Variants in WFDC8 observed in about 807,000 individuals in gnomAD.
The protein encoded by WFDC8 is WAP four-disulfide core domain 8, also known as WAP four-disulfide core domain protein 8.
In WFDC8, 24 loss-of-function variants were observed where a neutral mutation model predicts 27.0. The observed-to-expected ratio is 0.89, with a 90% CI of 0.64 to 1.25. The LOEUF is 1.25. WFDC8 is among the 50% of genes most tolerant of loss of function. WFDC8 has a pLI of 0.00. For missense variants in WFDC8, 287 were observed against 295.9 expected (o/e 0.97, Z 0.22); for synonymous variants, 106 against 99.7 (o/e 1.06, Z -0.38).
intron 1 of WFDC8, among the ~76,000 whole-genome samples, chr20:45,578,086 G>C (rs1981109443): frequency 6.6e-6 from 1 of 151,156 alleles, no homozygotes; most frequent in South Asian, 2.1e-4. Flanking sequence ...TAACCACACA[G>C]ATTAAAAAAT....
At chr20:45,554,293 G>A (rs542164102) in intron 4 of WFDC8, among the ~76,000 whole-genome samples, 5 of 152,188 alleles carry the variant, frequency 3.3e-5, no homozygotes, top group African/African-American at 1.2e-4. Context: ...CTCCCAAAGC[G>A]CTAGGATTAT....
At chr20:45,579,074 A>G in intron 1 of WFDC8, 148 bp downstream of exon 1, 1 of 739,068 alleles carries the variant, frequency 1.4e-6, no homozygotes, top group Non-Finnish European at 2.3e-6. Flanking sequence ...TTCCTGACAC[A>G]AGACAGCTCT....
At chr20:45,556,467 C>T (rs182508944) in intron 3 of WFDC8, among the ~76,000 whole-genome samples, 5 of 152,214 alleles carry the variant, frequency 3.3e-5, no homozygotes, top group African/African-American at 7.2e-5. Context: ...ACATTTAGCC[C>T]GGGAACTGCT....
chr20:45,562,166 A>C lies in WFDC8; in HGVS notation c.80T>G (p.Leu27Arg). 1 of 1,614,216 alleles carries C rather than the reference A, an allele frequency of 6.2e-7. No homozygotes were observed. Among genetic ancestry groups the C allele is most frequent in the Non-Finnish European group, 8.5e-7 (1 of 1,180,030 alleles). Reference protein sequence around the residue: ...TFSWRNVAFLLLLSLALEWTS... With the variant: ...TFSWRNVAFLRLLSLALEWTS... Reference sequence around the variant, plus strand: ...CCACTCCAAAGCAAGGGAGAGAAGCAGCAGGAAAGCTACATTCCTCCAGGA... The same window carrying C: ...CCACTCCAAAGCAAGGGAGAGAAGCCGCAGGAAAGCTACATTCCTCCAGGA... The change falls in exon 2 of 6, where the codon CTG becomes CGG. Residue 27 changes from leucine to arginine, a missense_variant. Leu to Arg is a moderately radical substitution (Grantham distance 102). Transcript: ENST00000289953.
intron 1 of WFDC8, among the ~76,000 whole-genome samples, chr20:45,569,282 T>C (rs910606523): frequency 2.0e-5 from 3 of 152,210 alleles, no homozygotes; most frequent in Non-Finnish European, 2.9e-5. Context: ...TTTGGCAACT[T>C]ACTAGAAGTT....
chr20:45,569,022 A>G (rs1483697576), intron 1 of WFDC8, among the ~76,000 whole-genome samples: 1 of 152,206 alleles, frequency 6.6e-6, no homozygotes. Context: ...TCTATCAGCT[A>G]CTTAGCATCA....
At chr20:45,565,173 C>T (rs550604984) in intron 1 of WFDC8, among the ~76,000 whole-genome samples, 1 of 152,136 alleles carries the variant, frequency 6.6e-6, no homozygotes, top group South Asian at 2.1e-4. Flanking sequence ...AGGACACACA[C>T]CAGGAATGAA....
intron 1 of WFDC8, among the ~76,000 whole-genome samples, chr20:45,578,970 G>C (rs1175920691): frequency 6.6e-6 from 1 of 152,008 alleles, no homozygotes; most frequent in Non-Finnish European, 1.5e-5. Flanking sequence ...AGCCGAGCGT[G>C]GTGGCGCACA....
At chr20:45,567,283 G>A (rs990751542) in intron 1 of WFDC8, among the ~76,000 whole-genome samples, 4 of 152,020 alleles carry the variant, frequency 2.6e-5, no homozygotes, top group Non-Finnish European at 5.9e-5. Flanking sequence ...TACTATGAGG[G>A]TAAATACATA....
At chr20:45,573,209 C>A (rs991164877) in intron 1 of WFDC8, among the ~76,000 whole-genome samples, 5 of 152,216 alleles carry the variant, frequency 3.3e-5, no homozygotes, top group Admixed American at 2.6e-4. Flanking sequence ...TGTAATGGAG[C>A]TTTCCCCCTA....
chr20:45,568,734 A>T, intron 1 of WFDC8: 1 of 518,290 alleles, frequency 1.9e-6, no homozygotes, highest in Non-Finnish European at 3.9e-6. Context: ...GCAGATGGTG[A>T]CCCATGCATA....
At chr20:45,554,203 T>C (rs1980157503) in intron 4 of WFDC8, among the ~76,000 whole-genome samples, 2 of 152,006 alleles carry the variant, frequency 1.3e-5, no homozygotes, top group Admixed American at 1.3e-4. Context: ...TTTGTTGTTG[T>C]TGTTTGTAGA....
At chr20:45,577,527 T>G (rs62207164) in intron 1 of WFDC8, among the ~76,000 whole-genome samples, 59,929 of 148,450 alleles carry the variant, frequency 0.4, 13,644 homozygotes, top group Non-Finnish European at 0.45. Flanking sequence ...GACTCCCGAG[T>G]AGCTGGGATT....
At chr20:45,564,776 G>A (rs933974106) in intron 1 of WFDC8, among the ~76,000 whole-genome samples, 8 of 151,572 alleles carry the variant, frequency 5.3e-5, no homozygotes, top group African/African-American at 1.9e-4. Flanking sequence ...CAGGAAGTCA[G>A]TGTTTCAATG....
intron 5 of WFDC8, 146 bp downstream of exon 5, chr20:45,552,990 G>A (rs1416436139): frequency 1.1e-6 from 1 of 912,906 alleles, no homozygotes; most frequent in South Asian, 1.8e-5. Context: ...AATATAACTT[G>A]TTGGGCATTA....
intron 1 of WFDC8, among the ~76,000 whole-genome samples, chr20:45,572,520 T>C (rs1386382098): frequency 6.6e-6 from 1 of 152,236 alleles, no homozygotes; most frequent in African/African-American, 2.4e-5. Flanking sequence ...GTGATTTTAA[T>C]TTGCATTTCC....
At position 45,562,205 on chromosome 20, in the gene WFDC8, T is replaced by C; in HGVS notation, c.41A>G (p.His14Arg). The C allele has an allele frequency of 6.2e-7, 1 of 1,614,080 alleles. No individual in the cohort carries two copies. Among genetic ancestry groups the C allele is most frequent in the Non-Finnish European group, 8.5e-7 (1 of 1,179,994 alleles). The change falls in exon 2 of 6, where the codon CAT becomes CGT. Residue 14 changes from histidine to arginine, a missense_variant. Transcript: ENST00000289953. ...VRTEGGHFPL[H>R]SPTFSWRNVA... ...ATTCCTCCAGGAGAAGGTGGGGCTA[T>C]GGAGAGGAAAGTGCCTGTATGGATG...
At chr20:45,576,408 T>TA (rs1981047597) in intron 1 of WFDC8, among the ~76,000 whole-genome samples, 1 of 151,372 alleles carries the variant, frequency 6.6e-6, no homozygotes, top group Admixed American at 6.6e-5. Flanking sequence ...AGTTTTCTTT[T>TA]TTTTTTTCAG....
intron 1 of WFDC8, among the ~76,000 whole-genome samples, chr20:45,572,406 A>G (rs1980901242): frequency 6.6e-6 from 1 of 151,578 alleles, no homozygotes; most frequent in Non-Finnish European, 1.5e-5. Context: ...CAAAAAAAAA[A>G]AAAAAAAAAA....
Sources: allele counts gnomAD v4.1 joint callset (sites outside exome capture counted in the v4.1 genomes callset), GRCh38; gene constraint gnomAD v4.1.1; transcripts MANE v1.5; gene names NCBI Gene and HGNC (gene_info 2026-07-23, HGNC 2026-07-21).